DOCK3: variants seen among roughly 807,000 people sequenced by gnomAD.
DOCK3 encodes dedicator of cytokinesis 3.
Under a neutral mutation model 265.6 loss-of-function variants are expected in DOCK3, and 60 were observed. The ratio of observed to expected loss-of-function variants is 0.23; its 90% confidence interval spans 0.18 to 0.28. DOCK3 has a LOEUF of 0.28. Among genes scored for constraint, DOCK3 ranks in the 10% least tolerant of loss-of-function variants. The probability of loss-of-function intolerance (pLI) is 1.00; values close to 1 mark genes in which losing one functional copy is unlikely to be tolerated. For missense variants in DOCK3, 1,981 were observed against 2,594.3 expected, an observed-to-expected ratio of 0.76 and a Z score of 5.14; for synonymous variants, 881 against 938.0, an observed-to-expected ratio of 0.94 and a Z score of 1.11.
intron 2 of DOCK3, among the ~76,000 whole-genome samples, chr3:50,815,607 T>C (rs1030732881): frequency 2.6e-5 from 4 of 151,554 alleles, no homozygotes; most frequent in African/African-American, 9.7e-5. Context: ...GAGAAAAATG[T>C]CACGGAAGGC....
chr3:50,703,693 T>A (rs1395397213), intron 1 of DOCK3, among the ~76,000 whole-genome samples: 1 of 152,156 alleles, frequency 6.6e-6, no homozygotes, highest in African/African-American at 2.4e-5. Context: ...TATGAACTTA[T>A]TTGGGTTTTC....
intron 1 of DOCK3, among the ~76,000 whole-genome samples, chr3:50,729,980 A>G (rs2038093481): frequency 6.6e-6 from 1 of 151,664 alleles, no homozygotes; most frequent in South Asian, 2.1e-4. Context: ...CATCACACCC[A>G]GCTAATTTTT....
chr3:51,069,907 G>A (rs1313637373), intron 6 of DOCK3, among the ~76,000 whole-genome samples: 2 of 152,142 alleles, frequency 1.3e-5, no homozygotes, highest in Non-Finnish European at 2.9e-5. Flanking sequence ...TCCAGCGTTA[G>A]GACACCTGAA....
intron 9 of DOCK3, among the ~76,000 whole-genome samples, chr3:51,137,726 C>T (rs1001919450): frequency 1.3e-5 from 2 of 152,150 alleles, no homozygotes; most frequent in African/African-American, 2.4e-5. Context: ...ACTTCATATG[C>T]TATTGTCTAT....
intron 1 of DOCK3, among the ~76,000 whole-genome samples, chr3:50,709,507 A>G (rs188474781): frequency 3.7e-4 from 57 of 152,176 alleles, no homozygotes; most frequent in Admixed American, 3.1e-3. Flanking sequence ...ACCATTAATT[A>G]TAGTATTAGC....
At chr3:51,186,955 A>C (rs2087640567) in intron 12 of DOCK3, among the ~76,000 whole-genome samples, 1 of 152,236 alleles carries the variant, frequency 6.6e-6, no homozygotes, top group South Asian at 2.1e-4. Flanking sequence ...GCAGTGCAGA[A>C]GGGAAATGTA....
rs560155048 is a variant in DOCK3, at chr3:50,856,022, C to CT, written c.162+14312dup. 3.0e-4 allele frequency among the ~76,000 whole-genome samples: 46 copies of CT among 152,244 alleles called. No homozygotes were observed. In the South Asian group the frequency reaches 7.9e-3, roughly 26 times the overall value. On this transcript the variant is annotated intron_variant, in intron 3 of 52. Transcript: ENST00000266037. The stretch of plus-strand genomic sequence containing the variant: ...CCCTGCAAAGGACGTGATCTCATTC[C>CT]TTTTTATGGCTGCATAGTATTCCAT...
intron 9 of DOCK3, among the ~76,000 whole-genome samples, chr3:51,135,808 C>T (rs1239618374): frequency 1.3e-5 from 2 of 152,074 alleles, no homozygotes; most frequent in Non-Finnish European, 2.9e-5. Context: ...TCAGCAGGCT[C>T]AAAACAATCA....
At chr3:51,369,080 G>A (rs2087477051) in intron 49 of DOCK3, among the ~76,000 whole-genome samples, 1 of 152,242 alleles carries the variant, frequency 6.6e-6, no homozygotes, top group Non-Finnish European at 1.5e-5. Flanking sequence ...AAACCACAAA[G>A]ATGGGGAGAA....
chr3:51,171,188 C>A (rs757200557), intron 12 of DOCK3, among the ~76,000 whole-genome samples: 1 of 151,962 alleles, frequency 6.6e-6, no homozygotes, highest in Non-Finnish European at 1.5e-5. Flanking sequence ...GTAAATGTTT[C>A]TCTGAGAACT....
chr3:51,239,845 TTTC>T (rs376187184), intron 21 of DOCK3, among the ~76,000 whole-genome samples: 15 of 152,142 alleles, frequency 9.9e-5, no homozygotes, highest in African/African-American at 3.4e-4. Context: ...TATTCTCTTT[TTTC>T]TTCTTTATTA....
intron 1 of DOCK3, among the ~76,000 whole-genome samples, chr3:50,739,753 G>A (rs1430241076): frequency 6.6e-6 from 1 of 151,946 alleles, no homozygotes; most frequent in East Asian, 1.9e-4. Context: ...CTTACTAGTT[G>A]TGTGACCTGG....
intron 5 of DOCK3, among the ~76,000 whole-genome samples, chr3:50,957,836 A>G (rs958136373): frequency 2.0e-5 from 3 of 152,206 alleles, no homozygotes; most frequent in Non-Finnish European, 1.5e-5. Context: ...AGACTTCACT[A>G]GGTTAATTGA....
intron 13 of DOCK3, among the ~76,000 whole-genome samples, chr3:51,212,302 A>G (rs762439820): frequency 6.6e-6 from 1 of 152,210 alleles, no homozygotes; most frequent in Non-Finnish European, 1.5e-5. Flanking sequence ...CAGCACCTTT[A>G]GTGAACATCT....
At chr3:51,083,674 T>A (rs2082318944) in intron 7 of DOCK3, among the ~76,000 whole-genome samples, 1 of 152,018 alleles carries the variant, frequency 6.6e-6, no homozygotes, top group South Asian at 2.1e-4. Context: ...CAACAATAGA[T>A]GAAATCAAGC....
At chr3:50,754,642 C>T (rs2040046868) in intron 1 of DOCK3, among the ~76,000 whole-genome samples, 1 of 151,214 alleles carries the variant, frequency 6.6e-6, no homozygotes, top group Non-Finnish European at 1.5e-5. Flanking sequence ...TCACTGCAAC[C>T]TCTGCCTTCT....
chr3:50,738,357 A>G (rs952941750), intron 1 of DOCK3, among the ~76,000 whole-genome samples: 9 of 152,066 alleles, frequency 5.9e-5, no homozygotes, highest in African/African-American at 2.2e-4. Context: ...CCACAGTTTC[A>G]TGGGGCAGGC....
At chr3:50,933,091 A>G (rs950687992) in intron 4 of DOCK3, among the ~76,000 whole-genome samples, 22 of 152,294 alleles carry the variant, frequency 1.4e-4, no homozygotes, top group Admixed American at 1.3e-3. Context: ...CTTATTCACT[A>G]TTATGAGAAC....
At chr3:51,083,781 G>A (rs1576009892) in intron 7 of DOCK3, among the ~76,000 whole-genome samples, 1 of 152,110 alleles carries the variant, frequency 6.6e-6, no homozygotes, top group African/African-American at 2.4e-5. Flanking sequence ...CCAAGAGTTC[G>A]AGACCAGCCT....
Sources: allele counts gnomAD v4.1 joint callset (sites outside exome capture counted in the v4.1 genomes callset), GRCh38; gene constraint gnomAD v4.1.1; transcripts MANE v1.5; gene names NCBI Gene and HGNC (gene_info 2026-07-23, HGNC 2026-07-21).